The following P4HB variants were observed in gnomAD, a reference collection of about 807,000 sequenced individuals.
P4HB encodes the protein protein disulfide-isomerase.
P4HB carries 20 observed loss-of-function variants against 52.6 expected under a neutral mutation model. The ratio of observed to expected loss-of-function variants is 0.38; its 90% CI spans 0.27 to 0.55. P4HB has a LOEUF of 0.55. Among genes scored for constraint, P4HB ranks in the 20% least tolerant of loss-of-function variants. The pLI, the probability that P4HB is intolerant of heterozygous loss-of-function variation, is 0.74. For synonymous variants in P4HB, 296 were observed against 277.9 expected (o/e 1.07, Z -0.65); for missense variants, 601 against 669.2 (o/e 0.90, Z 1.12).
chr17:81,845,238 A>G lies in P4HB; in HGVS notation c.1360-8T>C, dbSNP rs1220503449. The G allele has an allele frequency of 6.2e-7, 1 of 1,605,368 alleles. No homozygotes were observed. The highest frequency in any genetic ancestry group is 1.1e-5 in the South Asian group (1 of 90,632). On this transcript the variant is annotated splice_region_variant and splice_polypyrimidine_tract_variant and intron_variant, in intron 9 of 10. Transcript: ENST00000331483. ...CCCGTTGTAATCAATGACCTGTGGAAGACAGGGATGAGTGCAGGGGCTGGT... is the reference window on the plus strand; with the variant it reads ...CCCGTTGTAATCAATGACCTGTGGAGGACAGGGATGAGTGCAGGGGCTGGT...
intron 4 of P4HB, among the ~76,000 whole-genome samples, chr17:81,849,136 G>C (rs1032446211): frequency 3.9e-5 from 6 of 152,034 alleles, no homozygotes; most frequent in African/African-American, 1.5e-4. Flanking sequence ...TGAGGCAGGA[G>C]GATTGCTTGA....
At chr17:81,848,714 C>CAACA (rs2038778477) in intron 4 of P4HB, among the ~76,000 whole-genome samples, 1 of 119,428 alleles carries the variant, frequency 8.4e-6, no homozygotes. Flanking sequence ...CCAGCCTGGG[C>CAACA]GACAAGAGCG....
chr17:81,848,368 A>G (rs560484767), intron 4 of P4HB, among the ~76,000 whole-genome samples: 52 of 152,328 alleles, frequency 3.4e-4, no homozygotes, highest in African/African-American at 1.2e-3. Context: ...ACTCAGCACT[A>G]AATTGTTTTT....
Position 81,846,858 on chromosome 17 carries a change from GC to G in P4HB, c.855+88del, listed in dbSNP as rs1170448687. The stretch of plus-strand genomic sequence containing the variant: ...GGTGCCCGATCCAGTCCAGCAGGCA[GC>G]CTCAGGAAGGCCCCACACTTGTCAC... On this transcript the variant is annotated intron_variant, in intron 6 of 10. Transcript: ENST00000331483. The surrounding 1 kb of genome is among the most constrained non-coding windows in gnomAD (Gnocchi z 5.7). 1.3e-6 allele frequency: 2 copies of G among 1,515,068 alleles called. No individual in the cohort carries two copies. Among genetic ancestry groups the G allele is most frequent in the East Asian group, 4.5e-5 (2 of 44,362 alleles). The allele number at this position is 1,515,068 out of a possible 1,614,324, so 93.9% of individuals were successfully genotyped here. A position where few individuals can be genotyped will look rare whatever the true frequency, so the allele number is the denominator to read the frequency against.
intron 4 of P4HB, chr17:81,847,614 C>T (rs1034831883): frequency 3.8e-6 from 2 of 522,966 alleles, no homozygotes; most frequent in East Asian, 6.6e-5. Flanking sequence ...CTCCAGCAAC[C>T]TTGAAGTGTG....
At chr17:81,847,096 G>A in intron 5 of P4HB, 24 bp from the exon 6 acceptor site, 1 of 1,613,764 alleles carries the variant, frequency 6.2e-7, no homozygotes, top group Non-Finnish European at 8.5e-7. Context: ...TTAAGTTACT[G>A]GGTCTGAGTC....
At chr17:81,851,164 T>G (rs1362825971) in intron 4 of P4HB, among the ~76,000 whole-genome samples, 1 of 151,544 alleles carries the variant, frequency 6.6e-6, no homozygotes, top group Non-Finnish European at 1.5e-5. Flanking sequence ...TCTCCTGACC[T>G]CGTGACCCGC....
At chr17:81,860,153 G>A (rs111243260) in intron 1 of P4HB, 174 bp downstream of exon 1, 13 of 485,282 alleles carry the variant, frequency 2.7e-5, no homozygotes, top group African/African-American at 2.0e-4. Context: ...CTCCCAGCCC[G>A]GCTCTCACCC....
rs549371894 is a variant in P4HB at position 81,846,888 on chromosome 17, G to A, written c.855+59C>T. On this transcript the variant is annotated intron_variant, in intron 6 of 10. Coordinates refer to ENST00000331483, the MANE Select transcript of P4HB (RefSeq NM_000918.4). This position sits in a 1 kb window ranked among gnomAD's most constrained non-coding sequence, Gnocchi z 5.7. ...AGGAAGGCCCCACACTTGTCACCTC[G>A]GGAAGAGTTGTACTGCTCCCTGGCA... The A allele has an allele frequency of 3.1e-4, 504 of 1,603,132 alleles. 1 individual carries two copies. Among genetic ancestry groups the A allele is most frequent in the Non-Finnish European group, 4.1e-4 (479 of 1,173,404 alleles).
chr17:81,846,950 G>C lies in P4HB; in HGVS notation c.852C>G (p.Gly284=). The C allele has an allele frequency of 6.2e-7, 1 of 1,613,878 alleles. No individual in the cohort carries two copies. The highest frequency in any genetic ancestry group is 8.5e-7 in the Non-Finnish European group (1 of 1,180,016). The change falls in exon 6 of 11, where the codon GGC becomes GGG. Residue 284 remains glycine (G), a synonymous_variant. Coordinates refer to ENST00000331483, the MANE Select transcript of P4HB (RefSeq NM_000918.4). The surrounding 1 kb of genome is among the most constrained non-coding windows in gnomAD (Gnocchi z 5.7). ...NFKTAAESFK[G]KILFIFIDSD... ...GCCACCCAGAAGAGCAGCTCACCTT[G>C]CCCTTGAAGCTCTCGGCTGCTGTTT...
At chr17:81,850,472 T>A (rs933698744) in intron 4 of P4HB, among the ~76,000 whole-genome samples, 8 of 151,458 alleles carry the variant, frequency 5.3e-5, no homozygotes, top group East Asian at 1.9e-4. Flanking sequence ...ATTTAATTTA[T>A]TTTATTTTAT....
chr17:81,855,027 C>T lies in P4HB; in HGVS notation c.624+115G>A. Reference sequence around the variant, plus strand: ...CAACTTGGCAAAGCTGCAGAACATACCTATTGGGCCAAAGGTGCCAGGAGC... The same window carrying T: ...CAACTTGGCAAAGCTGCAGAACATATCTATTGGGCCAAAGGTGCCAGGAGC... On this transcript the variant is annotated intron_variant, in intron 4 of 10. Transcript: ENST00000331483. This position sits in a 1 kb window ranked among gnomAD's most constrained non-coding sequence, Gnocchi z 4.3. 1 of 996,534 alleles carries T rather than the reference C, an allele frequency of 1.0e-6. No individual in the cohort carries two copies. Among genetic ancestry groups the T allele is most frequent in the Non-Finnish European group, 1.6e-6 (1 of 639,174 alleles). The allele number at this position is 996,534 out of a possible 1,614,324, so 61.7% of individuals were successfully genotyped here.
chr17:81,853,714 C>A (rs143427200), intron 4 of P4HB, among the ~76,000 whole-genome samples: 4 of 152,124 alleles, frequency 2.6e-5, no homozygotes, highest in Non-Finnish European at 5.9e-5. Flanking sequence ...CCTCTGGAAA[C>A]GACACAGGAC....
Position 81,846,663 on chromosome 17 carries a change from A to G in P4HB, c.856-34T>C, listed in dbSNP as rs745990429. On this transcript the variant is annotated intron_variant, in intron 6 of 10. Transcript: ENST00000331483. This position sits in a 1 kb window ranked among gnomAD's most constrained non-coding sequence, Gnocchi z 5.7. ...GAAAAGGAGGTTGCACAGGTGCGGG[A>G]GACGGCTGGCCTCTGCCTCCAGCCC... is the stretch of plus-strand genomic sequence containing the variant. The G allele has an allele frequency of 1.3e-6, 2 of 1,595,916 alleles. No individual in the cohort carries two copies. The highest frequency in any genetic ancestry group is 1.7e-6 in the Non-Finnish European group (2 of 1,166,996).
intron 1 of P4HB, chr17:81,859,816 G>A (rs754850620): frequency 1.7e-5 from 4 of 232,030 alleles, no homozygotes; most frequent in Admixed American, 5.2e-5. Context: ...CAGACCCTGA[G>A]TTGCTTAGGG....
intron 10 of P4HB, 96 bp from the exon 11 acceptor site, chr17:81,844,188 C>A: frequency 3.3e-6 from 3 of 897,632 alleles, no homozygotes; most frequent in Non-Finnish European, 5.6e-6. Flanking sequence ...CGGGGACTAG[C>A]CGGCCACGGC....
chr17:81,857,034 C>T (rs1190755512), intron 2 of P4HB, among the ~76,000 whole-genome samples: 1 of 152,186 alleles, frequency 6.6e-6, no homozygotes, highest in African/African-American at 2.4e-5. Context: ...CCGCCCACCT[C>T]GGCCTTCCAA....
chr17:81,859,732 G>A (rs765907910), intron 1 of P4HB: 3 of 335,084 alleles, frequency 9.0e-6, no homozygotes, highest in Non-Finnish European at 1.7e-5. Flanking sequence ...TAAGACTACA[G>A]ACAAAAGTGA....
At chr17:81,859,485 A>C in intron 1 of P4HB, 98 bp from the exon 2 acceptor site, 3 of 1,077,882 alleles carry the variant, frequency 2.8e-6, no homozygotes, top group Non-Finnish European at 4.2e-6. Flanking sequence ...ATTTCCCTTC[A>C]TAAAAACCTT....
Sources: allele counts gnomAD v4.1 joint callset (sites outside exome capture counted in the v4.1 genomes callset), GRCh38; gene constraint gnomAD v4.1.1; non-coding constraint Gnocchi (gnomAD v3.1); transcripts MANE v1.5; gene names NCBI Gene and HGNC (gene_info 2026-07-23, HGNC 2026-07-21).